The following EPB41L4A variants were observed in gnomAD, a reference collection of about 807,000 sequenced individuals.
The protein encoded by EPB41L4A is erythrocyte membrane protein band 4.1 like 4A, also known as band 4.1-like protein 4A.
EPB41L4A carries 100 observed loss-of-function variants against 108.6 expected under a neutral mutation model. That is an observed-to-expected ratio of 0.92 (90% CI 0.78 to 1.09). The LOEUF (loss-of-function observed/expected upper bound fraction) is 1.09, where lower values mean the gene tolerates loss of function less well. Among genes scored for constraint, EPB41L4A ranks in the 50% least tolerant of loss-of-function variants. The pLI is 0.00. For missense variants in EPB41L4A, 1,030 were observed against 842.7 expected (o/e 1.22, Z -2.75); for synonymous variants, 319 against 289.0 (o/e 1.10, Z -1.05).
chr5:112,224,436 A>G (rs1165145350), intron 12 of EPB41L4A, among the ~76,000 whole-genome samples: 3 of 152,166 alleles, frequency 2.0e-5, no homozygotes, highest in Non-Finnish European at 4.4e-5. Context: ...TCTATTTTTC[A>G]TATTTGGTCC....
intron 18 of EPB41L4A, among the ~76,000 whole-genome samples, chr5:112,178,630 T>C (rs1034617891): frequency 4.0e-5 from 6 of 151,854 alleles, no homozygotes; most frequent in Admixed American, 6.6e-5. Context: ...ATAATATTTG[T>C]AGAAAATCCT....
At chr5:112,330,405 T>C (rs1756486671) in intron 1 of EPB41L4A, among the ~76,000 whole-genome samples, 1 of 152,174 alleles carries the variant, frequency 6.6e-6, no homozygotes, top group Non-Finnish European at 1.5e-5. Context: ...TTTTGGTAAT[T>C]TGCTAAATTC....
intron 1 of EPB41L4A, among the ~76,000 whole-genome samples, chr5:112,379,026 T>G (rs1027790223): frequency 6.6e-6 from 1 of 152,124 alleles, no homozygotes; most frequent in African/African-American, 2.4e-5. Flanking sequence ...TGTACAGATG[T>G]GCACATACAC....
chr5:112,408,191 A>T (rs1441611483), intron 1 of EPB41L4A, among the ~76,000 whole-genome samples: 1 of 152,202 alleles, frequency 6.6e-6, no homozygotes, highest in African/African-American at 2.4e-5. Context: ...TGGTGTTGCG[A>T]CATGTGCAAA....
At chr5:112,354,568 C>T (rs60730910) in intron 1 of EPB41L4A, among the ~76,000 whole-genome samples, 10,582 of 152,162 alleles carry the variant, frequency 0.07, 1,011 homozygotes, top group African/African-American at 0.22. Flanking sequence ...TTTTATACAA[C>T]CCCCACCTTA....
At chr5:112,231,755 G>A (rs1161484602) in intron 12 of EPB41L4A, among the ~76,000 whole-genome samples, 2 of 125,124 alleles carry the variant, frequency 1.6e-5, no homozygotes, top group Non-Finnish European at 3.2e-5. Context: ...ACTGCAGTCC[G>A]CAGTCCGGCC....
intron 9 of EPB41L4A, among the ~76,000 whole-genome samples, chr5:112,244,694 T>A (rs1750081427): frequency 6.6e-6 from 1 of 152,188 alleles, no homozygotes; most frequent in Admixed American, 6.5e-5. Context: ...CGCCATCTTG[T>A]CTGCTCCTTT....
At chr5:112,303,073 G>GTC (rs1381372968) in intron 2 of EPB41L4A, among the ~76,000 whole-genome samples, 4 of 152,136 alleles carry the variant, frequency 2.6e-5, no homozygotes, top group Admixed American at 6.6e-5. Context: ...ATCTCACATA[G>GTC]TAAGTTTCAT....
chr5:112,333,311 G>T (rs115204919), intron 1 of EPB41L4A, among the ~76,000 whole-genome samples: 2 of 151,880 alleles, frequency 1.3e-5, no homozygotes, highest in Non-Finnish European at 2.9e-5. Context: ...TGTCAAAAAG[G>T]GGGGAAGGGA....
rs765801564 is a variant in EPB41L4A at position 112,259,267 on chromosome 5, T to C, written c.757A>G (p.Lys253Glu). 6.2e-7 allele frequency: 1 copy of C among 1,614,000 alleles called. No homozygotes were observed. Among genetic ancestry groups the C allele is most frequent in the South Asian group, 1.1e-5 (1 of 91,078 alleles). The change falls in exon 9 of 23, where the codon AAG becomes GAG. Residue 253 changes from lysine (K) to glutamate (E), a missense_variant. By Grantham distance (56) the Lys-to-Glu change is moderately conservative. Coordinates refer to ENST00000261486, the MANE Select transcript of EPB41L4A (RefSeq NM_022140.5). ...ACTCTGAGTTCAAATTGAGTCTCCT[T>C]GAAGTGAACCTTTGTAATCCGAGGC... ...FWPRITKVHF[K>E]ETQFELRVLG...
chr5:112,189,835 T>C (rs550664615), intron 17 of EPB41L4A, among the ~76,000 whole-genome samples: 282 of 152,346 alleles, frequency 1.9e-3, no homozygotes, highest in Middle Eastern at 6.8e-3. Context: ...TTTTCATCAA[T>C]AGCACAAAGG....
In EPB41L4A at chr5:112,346,216, A is replaced by ATTTTTTTTTTTTTTTTTTTTTTTTT. The variant is rs561328868; in HGVS notation, c.100-38751_100-38727dup. Among the ~76,000 whole-genome samples the ATTTTTTTTTTTTTTTTTTTTTTTTT allele has an allele frequency of 2.1e-4, 14 of 67,346 alleles. 5 individuals are homozygous for ATTTTTTTTTTTTTTTTTTTTTTTTT. The highest frequency in any genetic ancestry group is 5.3e-4 in the East Asian group (1 of 1,904). The allele number at this position is 67,346 out of a possible 152,430, so 44.2% of individuals were successfully genotyped here. On this transcript the variant is annotated intron_variant, in intron 1 of 22. Coordinates refer to ENST00000261486, the MANE Select transcript of EPB41L4A (RefSeq NM_022140.5). The stretch of plus-strand genomic sequence containing the variant: ...AATTCTTTAAAGTTAGGTACATTGC[A>ATTTTTTTTTTTTTTTTTTTTTTTTT]TTTTTTTTTTTTTTTTTTTTTTTTT...
At chr5:112,390,510 G>C (rs921656553) in intron 1 of EPB41L4A, among the ~76,000 whole-genome samples, 3 of 152,146 alleles carry the variant, frequency 2.0e-5, no homozygotes, top group African/African-American at 4.8e-5. Context: ...ATCTGCCACT[G>C]CTAAAGCTTG....
At chr5:112,284,068 C>T (rs984877180) in intron 2 of EPB41L4A, among the ~76,000 whole-genome samples, 1 of 152,196 alleles carries the variant, frequency 6.6e-6, no homozygotes, top group African/African-American at 2.4e-5. Flanking sequence ...ATGTAATACT[C>T]TAAGTCCTTT....
downstream of EPB41L4A, chr5:112,160,957 G>C (rs904192471): frequency 6.4e-5 from 10 of 156,264 alleles, no homozygotes; most frequent in African/African-American, 2.4e-4. Context: ...TCACGCAGGG[G>C]CGCCGGGCGG....
chr5:112,175,861 C>T (rs776677770), intron 18 of EPB41L4A, among the ~76,000 whole-genome samples: 2 of 151,904 alleles, frequency 1.3e-5, no homozygotes, highest in Admixed American at 1.3e-4. Flanking sequence ...GAACTCCTGG[C>T]CTCAAGCAAT....
intron 1 of EPB41L4A, among the ~76,000 whole-genome samples, chr5:112,336,883 C>T (rs1198287096): frequency 2.0e-5 from 3 of 152,196 alleles, no homozygotes; most frequent in African/African-American, 7.2e-5. Context: ...TTTCTGATCT[C>T]TCAAGAGCAA....
At chr5:112,166,393 CCT>C (rs1171759823) in intron 22 of EPB41L4A, among the ~76,000 whole-genome samples, 1 of 152,150 alleles carries the variant, frequency 6.6e-6, no homozygotes, top group East Asian at 1.9e-4. Flanking sequence ...CCTTTAAGTC[CCT>C]GTGTTATCTG....
intron 1 of EPB41L4A, among the ~76,000 whole-genome samples, chr5:112,369,166 C>G (rs947501919): frequency 7.2e-5 from 11 of 152,320 alleles, no homozygotes; most frequent in Non-Finnish European, 1.0e-4. Flanking sequence ...AACTCATCCC[C>G]CTTTCTCATT....
Sources: allele counts gnomAD v4.1 joint callset (sites outside exome capture counted in the v4.1 genomes callset), GRCh38; gene constraint gnomAD v4.1.1; transcripts MANE v1.5; gene names NCBI Gene and HGNC (gene_info 2026-07-23, HGNC 2026-07-21).